Variants in NRG2 observed in about 807,000 individuals in gnomAD.
NRG2 encodes the protein neuregulin 2.
NRG2 carries 27 observed loss-of-function variants against 73.9 expected under a neutral mutation model. The ratio of observed to expected loss-of-function variants is 0.37; its 90% CI spans 0.27 to 0.50. The LOEUF (loss-of-function observed/expected upper bound fraction) is 0.50. Among genes scored for constraint, NRG2 ranks in the 20% least tolerant of loss-of-function variants. The probability of loss-of-function intolerance (pLI) is 0.96; values close to 1 mark genes in which losing one functional copy is unlikely to be tolerated. For synonymous variants in NRG2, 532 were observed against 541.0 expected (o/e 0.98, Z 0.23); for missense variants, 1,126 against 1,210.1 (o/e 0.93, Z 1.03).
At chr5:140,014,602 G>T (rs1245809147) in intron 1 of NRG2, among the ~76,000 whole-genome samples, 3 of 151,664 alleles carry the variant, frequency 2.0e-5, no homozygotes, top group Non-Finnish European at 4.4e-5. Context: ...GAAGTCTTTT[G>T]GGCCTTATCT....
At chr5:140,026,773 A>G (rs1760723624) in intron 1 of NRG2, among the ~76,000 whole-genome samples, 1 of 152,178 alleles carries the variant, frequency 6.6e-6, no homozygotes, top group Admixed American at 6.5e-5. Context: ...AAAAGAGTCA[A>G]AGATGATTTT....
chr5:139,940,403 G>T (rs1393269297), intron 1 of NRG2, among the ~76,000 whole-genome samples: 1 of 152,160 alleles, frequency 6.6e-6, no homozygotes, highest in African/African-American at 2.4e-5. Context: ...ATCAATTATT[G>T]CTTGGGGCAT....
chr5:139,855,805 G>T (rs1474815062), intron 5 of NRG2, 27 bp from the exon 6 acceptor site: 5 of 1,585,632 alleles, frequency 3.2e-6, no homozygotes, highest in Non-Finnish European at 4.3e-6. Flanking sequence ...GATGTGAGGG[G>T]TGGGGCAGGA....
At chr5:139,867,785 TGTGTGTGTGTGTATGA>T (rs1490258035) in intron 4 of NRG2, among the ~76,000 whole-genome samples, 2 of 138,784 alleles carry the variant, frequency 1.4e-5, no homozygotes, top group African/African-American at 6.2e-5. Context: ...TGTGTGTGTG[TGTGTGTGTGTGTATGA>T]GTGTGTGTGT....
intron 1 of NRG2, among the ~76,000 whole-genome samples, chr5:140,009,523 T>C (rs1279017985): frequency 1.3e-5 from 2 of 152,206 alleles, no homozygotes; most frequent in Non-Finnish European, 2.9e-5. Flanking sequence ...TACCAAAGAA[T>C]GAAATTGCTC....
At chr5:139,918,539 A>G in intron 1 of NRG2, among the ~76,000 whole-genome samples, 1 of 152,180 alleles carries the variant, frequency 6.6e-6, no homozygotes, top group East Asian at 1.9e-4. Flanking sequence ...TTCACATAGC[A>G]GATGAGGAAA....
chr5:139,936,789 A>T (rs1021889029), intron 1 of NRG2, among the ~76,000 whole-genome samples: 20 of 152,136 alleles, frequency 1.3e-4, no homozygotes, highest in Admixed American at 1.0e-3. Flanking sequence ...ATTTTTAAAA[A>T]TTTTTTAAAT....
chr5:140,040,460 C>T (rs1387502800), intron 1 of NRG2, among the ~76,000 whole-genome samples: 1 of 152,082 alleles, frequency 6.6e-6, no homozygotes, highest in Non-Finnish European at 1.5e-5. Context: ...CCCACTAGAA[C>T]AAACAATGTG....
At chr5:139,967,995 A>C (rs1755675444) in intron 1 of NRG2, among the ~76,000 whole-genome samples, 1 of 151,046 alleles carries the variant, frequency 6.6e-6, no homozygotes, top group South Asian at 2.1e-4. Context: ...ATAAATAAAT[A>C]AATAAATAAA....
chr5:139,898,924 G>T (rs1413154430), intron 1 of NRG2, among the ~76,000 whole-genome samples: 1 of 152,196 alleles, frequency 6.6e-6, no homozygotes, highest in African/African-American at 2.4e-5. Flanking sequence ...TAGCCCCTTT[G>T]CCAAAGTCCT....
chr5:139,864,133 G>A (rs1228262730), intron 5 of NRG2, among the ~76,000 whole-genome samples: 3 of 152,126 alleles, frequency 2.0e-5, no homozygotes, highest in Admixed American at 6.5e-5. Flanking sequence ...AGAGGAGGTC[G>A]GGGGGCACGC....
At position 139,847,765 on chromosome 5, in the gene NRG2, A is replaced by C. The variant is rs1232669044; in HGVS notation, c.*152T>G. 4 of 582,646 alleles carry C rather than the reference A, an allele frequency of 6.9e-6. No homozygotes were observed. The highest frequency in any genetic ancestry group is 1.0e-5 in the Non-Finnish European group (4 of 392,588). 36.1% of individuals were successfully genotyped at this position (582,646 alleles called of 1,614,324 possible). Reference sequence around the variant, plus strand: ...TAGTATTATAAGACAATTTTTGCTAAAATGAAAATAAAACATTTTGTTATA... The same window carrying C: ...TAGTATTATAAGACAATTTTTGCTACAATGAAAATAAAACATTTTGTTATA... On this transcript the variant is annotated 3_prime_UTR_variant, in exon 10 of 10. Transcript: ENST00000361474.
intron 5 of NRG2, chr5:139,861,727 G>T (rs376369532): frequency 1.9e-6 from 1 of 517,012 alleles, no homozygotes; most frequent in Admixed American, 1.9e-5. Context: ...CTGGTCAGGC[G>T]TGCTGAGTAG....
At chr5:139,960,837 C>T (rs936657840) in intron 1 of NRG2, among the ~76,000 whole-genome samples, 7 of 152,120 alleles carry the variant, frequency 4.6e-5, no homozygotes, top group Admixed American at 1.3e-4. Context: ...CAAGTTAACC[C>T]CACCACCTTC....
intron 1 of NRG2, among the ~76,000 whole-genome samples, chr5:140,015,866 C>A (rs761432406): frequency 1.3e-5 from 2 of 152,188 alleles, no homozygotes; most frequent in African/African-American, 4.8e-5. Context: ...TTAGCTGTTA[C>A]GTCAGGTTTC....
chr5:139,848,505 G>T lies in NRG2; in HGVS notation c.1965C>A (p.Gly655=). ...GCCCGGGCCCGGGTCCGGGTCCCGG[G>T]CCGGGGGGCGCCGGGTGCCGCAGTA... ...QPLLRHPAPP[G]PGPGPGPGPG... Residue 655 remains glycine, a synonymous_variant, in exon 10 of 10, where the codon GGC becomes GGA. Coordinates refer to ENST00000361474, the MANE Select transcript of NRG2 (RefSeq NM_004883.3). The T allele has an allele frequency of 5.1e-6, 7 of 1,377,424 alleles. No homozygotes were observed. Among genetic ancestry groups the T allele is most frequent in the Non-Finnish European group, 6.5e-6 (7 of 1,078,182 alleles). 85.3% of individuals were successfully genotyped at this position (1,377,424 alleles called of 1,614,324 possible).
At chr5:139,974,276 T>C (rs894825011) in intron 1 of NRG2, among the ~76,000 whole-genome samples, 2 of 151,054 alleles carry the variant, frequency 1.3e-5, no homozygotes, top group Non-Finnish European at 2.9e-5. Flanking sequence ...GGCTATGATG[T>C]GACAAGGATC....
intron 1 of NRG2, among the ~76,000 whole-genome samples, chr5:139,909,069 C>T (rs1407702485): frequency 6.6e-6 from 1 of 152,134 alleles, no homozygotes; most frequent in Non-Finnish European, 1.5e-5. Context: ...GGGGATGGGC[C>T]CAGAGACCAC....
At chr5:140,005,418 T>G (rs1346979261) in intron 1 of NRG2, among the ~76,000 whole-genome samples, 2 of 152,202 alleles carry the variant, frequency 1.3e-5, no homozygotes, top group Admixed American at 6.5e-5. Context: ...CCCAGCACTA[T>G]GAACATAGAC....
Sources: gnomAD v4.1 joint callset for allele counts (sites outside exome capture counted in the v4.1 genomes callset) on GRCh38, gnomAD v4.1.1 for gene constraint, MANE v1.5 for transcripts, NCBI Gene and HGNC (gene_info 2026-07-23, HGNC 2026-07-21) for gene names.